Variants in PCMTD1 observed in about 807,000 individuals in gnomAD.
The protein encoded by PCMTD1 is protein-L-isoaspartate (D-aspartate) O-methyltransferase domain containing 1.
PCMTD1 carries 12 observed loss-of-function variants against 37.6 expected under a neutral mutation model. The observed-to-expected ratio is 0.32, with a 90% confidence interval of 0.20 to 0.52. The LOEUF (loss-of-function observed/expected upper bound fraction) is 0.52, where lower values mean the gene tolerates loss of function less well. Ranked by LOEUF, PCMTD1 falls within the 20% of genes least tolerant of loss-of-function variation. The probability of loss-of-function intolerance (pLI) is 0.97; values close to 1 mark genes in which losing one functional copy is unlikely to be tolerated. For missense variants in PCMTD1, 235 were observed against 421.3 expected (o/e 0.56, Z 3.87); for synonymous variants, 117 against 135.8 (o/e 0.86, Z 0.96).
chr8:51,892,228 A>G (rs1483639393), intron 1 of PCMTD1, among the ~76,000 whole-genome samples: 2 of 152,234 alleles, frequency 1.3e-5, no homozygotes, highest in African/African-American at 4.8e-5. Flanking sequence ...TCCCCTGCAT[A>G]GGTTTCCTAC....
Position 51,882,816 on chromosome 8 carries a change from C to CT in PCMTD1, c.-96+16113dup, listed in dbSNP as rs1195343759. Among the ~76,000 whole-genome samples, 14 of 76,250 alleles carry CT rather than the reference C, an allele frequency of 1.8e-4. No homozygotes were observed. The East Asian group carries it at 2.1e-3, about 12-fold the overall frequency. 50.0% of individuals were successfully genotyped at this position (76,250 alleles called of 152,430 possible). The stretch of plus-strand genomic sequence containing the variant: ...TTACAATTTAGTTATGAATAGCATA[C>CT]TTAAAAAAAAAAAAAAAGAAATAAA... On this transcript the variant is annotated intron_variant, in intron 1 of 5. Transcript: ENST00000522514.
intron 1 of PCMTD1, among the ~76,000 whole-genome samples, chr8:51,878,460 G>A (rs891373669): frequency 1.3e-5 from 2 of 152,118 alleles, no homozygotes; most frequent in African/African-American, 4.8e-5. Context: ...TGAATTGTGA[G>A]TTAAAATGCA....
chr8:51,827,641 A>C (rs2037940063), intron 5 of PCMTD1, among the ~76,000 whole-genome samples: 1 of 152,284 alleles, frequency 6.6e-6, no homozygotes, highest in African/African-American at 2.4e-5. Context: ...AAGAAAAAGG[A>C]GGGATGACTG....
Position 51,834,318 on chromosome 8 carries a change from G to C in PCMTD1, c.411-629C>G, listed in dbSNP as rs771917567. Among the ~76,000 whole-genome samples the C allele has an allele frequency of 5.9e-5, 9 of 152,266 alleles. No homozygotes were observed. The South Asian group carries it at 6.2e-4, about 11-fold the overall frequency. Reference sequence around the variant, plus strand: ...TTCATATTGCTGCTTTGGCCCCGATGATCTCCCTAAGCAACAAGAGATATG... The same window carrying C: ...TTCATATTGCTGCTTTGGCCCCGATCATCTCCCTAAGCAACAAGAGATATG... On this transcript the variant is annotated intron_variant, in intron 3 of 5. Transcript: ENST00000522514.
chr8:51,832,803 GT>G (rs35928231), intron 4 of PCMTD1, among the ~76,000 whole-genome samples: 11,471 of 152,166 alleles, frequency 0.075, 596 homozygotes, highest in Non-Finnish European at 0.11. Flanking sequence ...TAGTTCACTT[GT>G]TTTATTAATG....
chr8:51,887,022 A>G lies in PCMTD1; in HGVS notation c.-96+11908T>C, dbSNP rs1219302911. The stretch of plus-strand genomic sequence containing the variant: ...TTCTTCCATCTGCAAAGCAAGAAAC[A>G]TGACGCTGATTCCTTTTCTGCTGTC... On this transcript the variant is annotated intron_variant, in intron 1 of 5. Coordinates refer to ENST00000522514, the MANE Select transcript of PCMTD1 (RefSeq NM_052937.4). Among the ~76,000 whole-genome samples, 3 of 151,590 alleles carry G rather than the reference A, an allele frequency of 2.0e-5. No individual in the cohort carries two copies. The East Asian group carries it at 5.8e-4, about 29-fold the overall frequency.
intron 3 of PCMTD1, among the ~76,000 whole-genome samples, chr8:51,843,645 TAA>T: frequency 6.6e-6 from 1 of 152,080 alleles, no homozygotes. Context: ...GATACTTATA[TAA>T]GTGGTCTTCA....
rs1178635147 is a variant in PCMTD1 at position 51,831,580 on chromosome 8, A to T, written c.583-13T>A. ...TAATCTGTGTTAACTATTTAGAGAA[A>T]AAAAAGAAAGAAAGTGAACAACTTA... On this transcript the variant is annotated splice_polypyrimidine_tract_variant and intron_variant, in intron 4 of 5. Coordinates refer to ENST00000522514, the MANE Select transcript of PCMTD1 (RefSeq NM_052937.4). 1 of 1,602,174 alleles carries T rather than the reference A, an allele frequency of 6.2e-7. No individual in the cohort carries two copies. The highest frequency in any genetic ancestry group is 1.3e-5 in the African/African-American group (1 of 74,604).
At chr8:51,865,750 G>C (rs958638326) in intron 1 of PCMTD1, among the ~76,000 whole-genome samples, 1 of 151,550 alleles carries the variant, frequency 6.6e-6, no homozygotes, top group African/African-American at 2.4e-5. Flanking sequence ...GGTTTTCCAC[G>C]ATCAGGAATA....
At chr8:51,876,395 C>CA (rs11301131) in intron 1 of PCMTD1, among the ~76,000 whole-genome samples, 10 of 151,386 alleles carry the variant, frequency 6.6e-5, no homozygotes, top group African/African-American at 2.2e-4. Context: ...AACACACACA[C>CA]AAAAAAAAAT....
At chr8:51,891,315 C>T (rs1251888698) in intron 1 of PCMTD1, among the ~76,000 whole-genome samples, 1 of 152,068 alleles carries the variant, frequency 6.6e-6, no homozygotes, top group South Asian at 2.1e-4. Context: ...TTTGGGAGGA[C>T]AAGGCAGGAG....
chr8:51,849,251 G>GCA (rs2038269142), intron 2 of PCMTD1: 1 of 151,670 alleles, frequency 6.6e-6, no homozygotes, highest in Non-Finnish European at 1.5e-5. Flanking sequence ...GCTACTGAAA[G>GCA]ATTAAAAAAA....
At chr8:51,888,226 G>C (rs2038891060) in intron 1 of PCMTD1, among the ~76,000 whole-genome samples, 2 of 152,120 alleles carry the variant, frequency 1.3e-5, no homozygotes. Context: ...GTAAGACCCT[G>C]TATATGATGG....
At chr8:51,887,765 C>CA (rs1312879137) in intron 1 of PCMTD1, among the ~76,000 whole-genome samples, 1 of 126,710 alleles carries the variant, frequency 7.9e-6, no homozygotes, top group Non-Finnish European at 1.7e-5. Context: ...TTTTTTGAGA[C>CA]AGAGTCTTGC....
chr8:51,897,106 C>G (rs2039013678), intron 1 of PCMTD1, among the ~76,000 whole-genome samples: 1 of 152,130 alleles, frequency 6.6e-6, no homozygotes, highest in African/African-American at 2.4e-5. Flanking sequence ...TCAGGCTATG[C>G]ATGTTTAGAA....
chr8:51,862,195 C>A (rs1232543682), intron 1 of PCMTD1, among the ~76,000 whole-genome samples: 3 of 152,096 alleles, frequency 2.0e-5, no homozygotes, highest in Non-Finnish European at 4.4e-5. Flanking sequence ...ACATATTACT[C>A]GAAACACTGA....
At chr8:51,875,985 CGT>C (rs1563358205) in intron 1 of PCMTD1, among the ~76,000 whole-genome samples, 1 of 152,012 alleles carries the variant, frequency 6.6e-6, no homozygotes, top group Non-Finnish European at 1.5e-5. Context: ...TGTGCATGTG[CGT>C]GCACGCATGC....
At chr8:51,831,732 T>C (rs538727760) in intron 4 of PCMTD1, among the ~76,000 whole-genome samples, 165 bp from the exon 5 acceptor site, 1 of 152,298 alleles carries the variant, frequency 6.6e-6, no homozygotes, top group East Asian at 1.9e-4. Context: ...TACTATAAGA[T>C]ATAAAAGGAA....
intron 3 of PCMTD1, among the ~76,000 whole-genome samples, chr8:51,843,923 G>T (rs138436292): frequency 2.8e-4 from 42 of 152,162 alleles, no homozygotes; most frequent in African/African-American, 8.7e-4. Context: ...GCTTAAAATA[G>T]ACCTTAAAAA....
Sources: gnomAD v4.1 joint callset for allele counts (sites outside exome capture counted in the v4.1 genomes callset) on GRCh38, gnomAD v4.1.1 for gene constraint, MANE v1.5 for transcripts, NCBI Gene and HGNC (gene_info 2026-07-23, HGNC 2026-07-21) for gene names.